SLC24A2: variants seen among roughly 807,000 people sequenced by gnomAD.
The protein encoded by SLC24A2 is sodium/potassium/calcium exchanger 2.
A neutral mutation model predicts 62.0 loss-of-function variants in SLC24A2; 36 were observed. The observed-to-expected ratio is 0.58, with a 90% CI of 0.44 to 0.77. The LOEUF (loss-of-function observed/expected upper bound fraction) is 0.77. Ranked by LOEUF, SLC24A2 falls within the 30% of genes least tolerant of loss-of-function variation. The probability of loss-of-function intolerance (pLI) is 0.00; values close to 1 mark genes in which losing one functional copy is unlikely to be tolerated. For synonymous variants in SLC24A2, 358 were observed against 294.0 expected, an observed-to-expected ratio of 1.22 and a Z score of -2.23; for missense variants, 846 against 817.9, an observed-to-expected ratio of 1.03 and a Z score of -0.42.
At chr9:19,787,118 C>A in intron 1 of SLC24A2, 99 bp from the exon 2 acceptor site, 1 of 622,572 alleles carries the variant, frequency 1.6e-6, no homozygotes, top group Non-Finnish European at 2.0e-6. Flanking sequence ...TGCAGCTGTG[C>A]GATCTTGGGT....
chr9:20,306,693 T>C, the SLC24A2 span, among the ~76,000 whole-genome samples: 1 of 152,160 alleles, frequency 6.6e-6, no homozygotes, highest in Non-Finnish European at 1.5e-5. Context: ...TGTTATTTTC[T>C]TTTTTTGTTT....
rs750377977 is a variant in SLC24A2, at chr9:19,577,041, G to T, written c.1130-19C>A. 53 of 1,594,954 alleles carry T rather than the reference G, an allele frequency of 3.3e-5. No homozygotes were observed. Among genetic ancestry groups the T allele is most frequent in the Non-Finnish European group, 4.5e-5 (52 of 1,162,594 alleles). On this transcript the variant is annotated intron_variant, in intron 5 of 10. Transcript: ENST00000341998. Reference sequence around the variant, plus strand: ...AACCTCCCTGAAGCAAAAGAAAGTGGCAGGAAGGAGACACAATGAGAAAGA... The same window carrying T: ...AACCTCCCTGAAGCAAAAGAAAGTGTCAGGAAGGAGACACAATGAGAAAGA...
the SLC24A2 span, among the ~76,000 whole-genome samples, chr9:20,293,159 C>T: frequency 2.0e-5 from 3 of 152,210 alleles, no homozygotes; most frequent in African/African-American, 7.2e-5. Flanking sequence ...CTTGTATAAA[C>T]TCTTCTTAAA....
the SLC24A2 span, among the ~76,000 whole-genome samples, chr9:20,179,771 G>T: frequency 6.6e-6 from 1 of 152,152 alleles, no homozygotes; most frequent in African/African-American, 2.4e-5. Context: ...ACAGACTGAG[G>T]GTTAAGTGCA....
At chr9:19,784,544 T>C (rs1230686617) in intron 2 of SLC24A2, among the ~76,000 whole-genome samples, 2 of 152,194 alleles carry the variant, frequency 1.3e-5, no homozygotes, top group African/African-American at 4.8e-5. Flanking sequence ...AGTACTTTAA[T>C]TGGAATAAAC....
the SLC24A2 span, among the ~76,000 whole-genome samples, chr9:20,095,343 C>G: frequency 1.3e-5 from 2 of 152,050 alleles, no homozygotes; most frequent in Non-Finnish European, 2.9e-5. Context: ...CTTGATTGGC[C>G]CACAGGGTGC....
intron 2 of SLC24A2, among the ~76,000 whole-genome samples, chr9:19,624,793 A>G (rs1774828380): frequency 6.6e-6 from 1 of 151,408 alleles, no homozygotes; most frequent in African/African-American, 2.5e-5. Context: ...CAAAAGAGAT[A>G]AGAAGTGTGA....
intron 5 of SLC24A2, among the ~76,000 whole-genome samples, chr9:19,580,298 C>T (rs887762734): frequency 3.9e-5 from 6 of 152,234 alleles, no homozygotes; most frequent in African/African-American, 9.7e-5. Context: ...AAGGATTTTC[C>T]GTTAAAGATT....
chr9:19,746,237 C>A (rs1046790515), intron 2 of SLC24A2, among the ~76,000 whole-genome samples: 1 of 151,898 alleles, frequency 6.6e-6, no homozygotes, highest in Non-Finnish European at 1.5e-5. Context: ...CCGATGGGAC[C>A]ATAAATAAGA....
At chr9:20,044,652 C>CAGA in the SLC24A2 span, among the ~76,000 whole-genome samples, 100,606 of 151,714 alleles carry the variant, frequency 0.66, 34,332 homozygotes, top group East Asian at 0.95. Flanking sequence ...TACAATGACC[C>CAGA]AGATCATAAA....
intron 2 of SLC24A2, among the ~76,000 whole-genome samples, chr9:19,754,699 A>C (rs1024470656): frequency 6.6e-6 from 1 of 150,618 alleles, no homozygotes; most frequent in Admixed American, 6.6e-5. Context: ...GATCCTAAGC[A>C]CTGAATGGCA....
the SLC24A2 span, among the ~76,000 whole-genome samples, chr9:20,075,438 A>G: frequency 2.0e-5 from 3 of 152,186 alleles, no homozygotes; most frequent in South Asian, 6.2e-4. Flanking sequence ...AAAGACTGTA[A>G]TTTTAAGCAT....
chr9:19,731,094 G>A (rs894460036), intron 2 of SLC24A2, among the ~76,000 whole-genome samples: 4 of 152,096 alleles, frequency 2.6e-5, no homozygotes, highest in African/African-American at 9.7e-5. Flanking sequence ...TAAGGCAGCT[G>A]ATAAATCAAG....
chr9:20,232,567 G>A, the SLC24A2 span, among the ~76,000 whole-genome samples: 1 of 152,100 alleles, frequency 6.6e-6, no homozygotes, highest in Non-Finnish European at 1.5e-5. Flanking sequence ...TATTTCTGTG[G>A]GATCGGTAGT....
chr9:19,843,383 A>T, the SLC24A2 span, among the ~76,000 whole-genome samples: 2 of 152,166 alleles, frequency 1.3e-5, no homozygotes, highest in Non-Finnish European at 2.9e-5. Context: ...GTGGTGGCGC[A>T]TGCCTGTAAC....
intron 7 of SLC24A2, among the ~76,000 whole-genome samples, chr9:19,555,539 T>C (rs1203616175): frequency 6.6e-6 from 1 of 152,250 alleles, no homozygotes; most frequent in African/African-American, 2.4e-5. Context: ...TCCTCAGATG[T>C]ATTTTTGTAA....
At chr9:20,116,501 C>A in the SLC24A2 span, among the ~76,000 whole-genome samples, 1 of 152,148 alleles carries the variant, frequency 6.6e-6, no homozygotes, top group Non-Finnish European at 1.5e-5. Flanking sequence ...AGGCTAACTT[C>A]GCTCTTCGTA....
the SLC24A2 span, among the ~76,000 whole-genome samples, chr9:19,912,299 C>T: frequency 3.3e-5 from 5 of 152,074 alleles, no homozygotes; most frequent in South Asian, 2.1e-4. Flanking sequence ...TAAGTCAGTG[C>T]CTTCAGATGT....
At chr9:19,940,341 G>T in the SLC24A2 span, among the ~76,000 whole-genome samples, 2 of 152,314 alleles carry the variant, frequency 1.3e-5, no homozygotes, top group Non-Finnish European at 2.9e-5. Context: ...TAGTCAGGGG[G>T]TACTTTTATA....
Sources: gnomAD v4.1 joint callset for allele counts (sites outside exome capture counted in the v4.1 genomes callset) on GRCh38, gnomAD v4.1.1 for gene constraint, MANE v1.5 for transcripts, NCBI Gene and HGNC (gene_info 2026-07-23, HGNC 2026-07-21) for gene names.